SPANXN1: variants seen among roughly 807,000 people sequenced by gnomAD.
The protein encoded by SPANXN1 is sperm protein associated with the nucleus on the X chromosome N1.
A neutral mutation model predicts 2.0 loss-of-function variants in SPANXN1; 1 was observed. The ratio of observed to expected loss-of-function variants is 0.50; its 90% CI spans 0.18 to 2.36. SPANXN1 has a LOEUF of 2.36. SPANXN1 is among the 30% of genes most tolerant of loss of function. SPANXN1 has a pLI of 0.26. For missense variants in SPANXN1, 55 were observed against 51.8 expected (o/e 1.06, Z -0.19); for synonymous variants, 27 against 21.3 (o/e 1.27, Z -0.74).
At chrX:145,253,473 T>C (rs1156539471) in intron 1 of SPANXN1, among the ~76,000 whole-genome samples, 1 of 110,864 alleles carries the variant, frequency 9.0e-6, no homozygotes, top group East Asian at 2.8e-4. Context: ...GACTGGGAGA[T>C]AAAGTGTAAA....
At chrX:145,255,528 C>T (rs1339535155) in intron 1 of SPANXN1, 143 bp from the exon 2 acceptor site, 4 of 893,309 alleles carry the variant, frequency 4.5e-6, no homozygotes, top group Non-Finnish European at 6.3e-6. Flanking sequence ...TAGATCCCTA[C>T]CCTATGATTC....
intron 1 of SPANXN1, among the ~76,000 whole-genome samples, chrX:145,251,754 G>C (rs1386305540): frequency 2.7e-5 from 3 of 111,127 alleles, no homozygotes; most frequent in Non-Finnish European, 5.7e-5. Context: ...AGCTGGGTTT[G>C]GGGATTTTAG....
chrX:145,249,785 G>C (rs1342637874), intron 1 of SPANXN1, among the ~76,000 whole-genome samples: 1 of 111,285 alleles, frequency 9.0e-6, no homozygotes, highest in Non-Finnish European at 1.9e-5. Flanking sequence ...TCCCCTGGTT[G>C]TAGGGACAGG....
chrX:145,248,008 G>A (rs1477750934), intron 1 of SPANXN1, among the ~76,000 whole-genome samples: 1 of 112,107 alleles, frequency 8.9e-6, no homozygotes, highest in East Asian at 2.8e-4. Context: ...CTTGTGTTAC[G>A]ATGATTAGGC....
intron 1 of SPANXN1, among the ~76,000 whole-genome samples, chrX:145,255,310 T>G (rs782692462): frequency 7.3e-4 from 82 of 111,617 alleles, no homozygotes; most frequent in African/African-American, 2.4e-3. Flanking sequence ...TCCTTAGAAC[T>G]TTGCCAAGCA....
At chrX:145,254,207 G>A (rs2070798021) in intron 1 of SPANXN1, among the ~76,000 whole-genome samples, 1 of 108,453 alleles carries the variant, frequency 9.2e-6, no homozygotes, top group South Asian at 4.2e-4. Flanking sequence ...GCATTTTGGG[G>A]GGTTTCTCCT....
chrX:145,251,708 T>C (rs1432872316), intron 1 of SPANXN1, among the ~76,000 whole-genome samples: 1 of 111,483 alleles, frequency 9.0e-6, no homozygotes, highest in Non-Finnish European at 1.9e-5. Context: ...GTTTTTTGTT[T>C]TGTTTTGTTT....
intron 1 of SPANXN1, among the ~76,000 whole-genome samples, chrX:145,250,244 C>T (rs1231019559): frequency 1.8e-5 from 2 of 111,211 alleles, no homozygotes; most frequent in Admixed American, 9.6e-5. Context: ...AGAGAATAGA[C>T]GTGATGGTGT....
At chrX:145,253,212 G>A (rs150717015) in intron 1 of SPANXN1, among the ~76,000 whole-genome samples, 31 of 110,981 alleles carry the variant, frequency 2.8e-4, no homozygotes, top group Admixed American at 1.4e-3. Context: ...CCCAGTGTCC[G>A]TGTTGGACGC....
rs183865405 is a variant in SPANXN1 at position 145,248,558 on chromosome X, T to C, written c.75+897T>C. Among the ~76,000 whole-genome samples the C allele has an allele frequency of 4.9e-3, 551 of 112,010 alleles. 4 individuals carry two copies. Among genetic ancestry groups the C allele is most frequent in the African/African-American group, 0.016 (492 of 30,811 alleles). On this transcript the variant is annotated intron_variant, in intron 1 of 1. Coordinates refer to ENST00000370493, the MANE Select transcript of SPANXN1 (RefSeq NM_001009614.3). ...AAAGGAACCTGGATGGTCTGCTTGT[T>C]AGGCAAAATGTTAATGTTTAGATTA...
rs2070809346 is a variant in SPANXN1, at chrX:145,255,976, A to C, written c.*162A>C. Reference sequence around the variant, plus strand: ...ACCTAGACTTACCTGAAGGATCTTCAAAGCAGAATGAAGACCTAGGCTTAC... The same window carrying C: ...ACCTAGACTTACCTGAAGGATCTTCCAAGCAGAATGAAGACCTAGGCTTAC... On this transcript the variant is annotated 3_prime_UTR_variant, in exon 2 of 2. Transcript: ENST00000370493. 1 of 1,013,653 alleles carries C rather than the reference A, an allele frequency of 9.9e-7. No homozygotes were observed. The highest frequency in any genetic ancestry group is 2.2e-5 in the Admixed American group (1 of 44,773). The allele number at this position is 1,013,653 out of a possible 1,213,427, so 83.5% of individuals were successfully genotyped here. A position where few individuals can be genotyped will look rare whatever the true frequency, so the allele number is the denominator to read the frequency against.
At chrX:145,250,337 G>C (rs782556143) in intron 1 of SPANXN1, among the ~76,000 whole-genome samples, 3 of 111,105 alleles carry the variant, frequency 2.7e-5, no homozygotes, top group Non-Finnish European at 5.7e-5. Flanking sequence ...ATCACTTTCT[G>C]GGGGGCATGT....
At chrX:145,248,901 C>T (rs1272944745) in intron 1 of SPANXN1, among the ~76,000 whole-genome samples, 2 of 111,382 alleles carry the variant, frequency 1.8e-5, no homozygotes, top group African/African-American at 6.6e-5. Context: ...CAGGGAGCGC[C>T]CTTGAGTTGG....
At chrX:145,251,676 T>C (rs1556882523) in intron 1 of SPANXN1, among the ~76,000 whole-genome samples, 1 of 111,806 alleles carries the variant, frequency 8.9e-6, no homozygotes, top group Non-Finnish European at 1.9e-5. Flanking sequence ...TTTAAGTTTT[T>C]TGTTTGTTTG....
At chrX:145,253,960 T>C (rs1301670504) in intron 1 of SPANXN1, among the ~76,000 whole-genome samples, 1 of 110,552 alleles carries the variant, frequency 9.0e-6, no homozygotes, top group African/African-American at 3.3e-5. Flanking sequence ...CGCAACCTCC[T>C]GCAAGGGAAG....
Position 145,248,639 on chromosome X carries a change from C to T in SPANXN1, c.75+978C>T, listed in dbSNP as rs1309724887. Among the ~76,000 whole-genome samples the T allele has an allele frequency of 2.7e-5, 3 of 111,650 alleles. No individual in the cohort carries two copies. The Admixed American group carries it at 2.8e-4, about 11-fold the overall frequency. ...GAAAGTTGTAGGTTATGGTGGCAAG[C>T]CATGAGAAGGTGGGGGTTGAATTCT... On this transcript the variant is annotated intron_variant, in intron 1 of 1. Transcript: ENST00000370493.
intron 1 of SPANXN1, among the ~76,000 whole-genome samples, chrX:145,255,121 T>A (rs781798346): frequency 1.8e-5 from 2 of 111,017 alleles, no homozygotes; most frequent in Non-Finnish European, 1.9e-5. Context: ...TTGCAGAAAC[T>A]TGTGGAAGTG....
At chrX:145,253,467 G>A (rs1383825789) in intron 1 of SPANXN1, among the ~76,000 whole-genome samples, 1 of 110,983 alleles carries the variant, frequency 9.0e-6, no homozygotes, top group East Asian at 2.8e-4. Context: ...GGGGCTGACT[G>A]GGAGATAAAG....
chrX:145,253,502 T>G (rs1310524343), intron 1 of SPANXN1, among the ~76,000 whole-genome samples: 4 of 111,094 alleles, frequency 3.6e-5, no homozygotes, highest in Non-Finnish European at 5.7e-5. Flanking sequence ...GATTTTGCCC[T>G]TATTGTTATT....
Sources: allele counts gnomAD v4.1 joint callset (sites outside exome capture counted in the v4.1 genomes callset), GRCh38; gene constraint gnomAD v4.1.1; transcripts MANE v1.5; gene names NCBI Gene and HGNC (gene_info 2026-07-23, HGNC 2026-07-21).